The following SLC25A13 variants were observed in gnomAD, a reference collection of about 807,000 sequenced individuals.
SLC25A13 encodes electrogenic aspartate/glutamate antiporter SLC25A13, mitochondrial.
SLC25A13 carries 70 observed loss-of-function variants against 85.5 expected under a neutral mutation model. The ratio of observed to expected loss-of-function variants is 0.82; its 90% confidence interval spans 0.68 to 1.00. SLC25A13 has a LOEUF of 1.00. SLC25A13 is among the 50% of genes least tolerant of loss of function. SLC25A13 has a pLI of 0.00. For synonymous variants in SLC25A13, 259 were observed against 288.7 expected (o/e 0.90, Z 1.04); for missense variants, 765 against 819.8 (o/e 0.93, Z 0.82).
rs148206560 is a variant in SLC25A13 at position 96,183,777 on chromosome 7, G to C, written c.1177+500C>G. ...TCAGTGGGGGGAAACCTTGGCTAGA[G>C]GGGTGTGTGAATCAACTCCATTGGG... On this transcript the variant is annotated intron_variant, in intron 11 of 17. Coordinates refer to ENST00000265631, the MANE Select transcript of SLC25A13 (RefSeq NM_014251.3). Among the ~76,000 whole-genome samples, 1,204 of 152,280 alleles carry C rather than the reference G, an allele frequency of 7.9e-3. 15 individuals carry two copies. The highest frequency in any genetic ancestry group is 0.027 in the African/African-American group (1,116 of 41,554).
chr7:96,283,818 TTAAAAAAAAA>T (rs1460432825), intron 2 of SLC25A13: 8 of 86,966 alleles, frequency 9.2e-5, no homozygotes, highest in Non-Finnish European at 1.1e-4. Context: ...AAATAGGTGT[TTAAAAAAAAA>T]AAAAAAAAAA....
At chr7:96,255,570 C>A (rs1332832457) in intron 3 of SLC25A13, among the ~76,000 whole-genome samples, 1 of 152,010 alleles carries the variant, frequency 6.6e-6, no homozygotes, top group Non-Finnish European at 1.5e-5. Flanking sequence ...GCTTGTGGTC[C>A]CAGCAACTCC....
At chr7:96,139,295 A>C (rs1399987144) in intron 14 of SLC25A13, among the ~76,000 whole-genome samples, 1 of 152,224 alleles carries the variant, frequency 6.6e-6, no homozygotes, top group Non-Finnish European at 1.5e-5. Context: ...TGAATCATTC[A>C]TATCCCAAAT....
chr7:96,299,599 G>A lies in SLC25A13; in HGVS notation c.16-2648C>T, dbSNP rs75976977. ...GATCCCAAATATTCCATCTCTTACC[G>A]TAGTGGCCTTCCTACAGACCCACAT... On this transcript the variant is annotated intron_variant, in intron 1 of 17. Transcript: ENST00000265631. Among the ~76,000 whole-genome samples the A allele has an allele frequency of 1.8e-3, 270 of 152,250 alleles. 1 individual carries two copies. Among genetic ancestry groups the A allele is most frequent in the African/African-American group, 5.8e-3 (240 of 41,542 alleles).
intron 3 of SLC25A13, among the ~76,000 whole-genome samples, chr7:96,268,674 G>A (rs1445415635): frequency 6.6e-6 from 1 of 152,124 alleles, no homozygotes; most frequent in African/African-American, 2.4e-5. Flanking sequence ...GGCAAATCGT[G>A]CCAATCCCCT....
At chr7:96,131,978 G>C in intron 14 of SLC25A13, 97 bp from the exon 15 acceptor site, 1 of 1,521,968 alleles carries the variant, frequency 6.6e-7, no homozygotes, top group Non-Finnish European at 9.1e-7. Context: ...AATATTCCTG[G>C]AGAAGACCAA....
chr7:96,197,481 G>C (rs759507834), intron 5 of SLC25A13, among the ~76,000 whole-genome samples: 1 of 152,060 alleles, frequency 6.6e-6, no homozygotes, highest in East Asian at 1.9e-4. Flanking sequence ...TAAATCAGGA[G>C]GCCAGTGGGA....
intron 7 of SLC25A13, among the ~76,000 whole-genome samples, chr7:96,190,832 C>T (rs551749518): frequency 4.7e-4 from 72 of 152,186 alleles, no homozygotes; most frequent in African/African-American, 1.7e-3. Context: ...AGGCTGGTCT[C>T]GAACTCCTGA....
intron 2 of SLC25A13, among the ~76,000 whole-genome samples, chr7:96,282,149 G>A (rs1365168601): frequency 6.6e-6 from 1 of 152,086 alleles, no homozygotes; most frequent in African/African-American, 2.4e-5. Context: ...CCTGCAAAAT[G>A]GGAAGAGTTT....
chr7:96,243,649 G>A (rs1030638222), intron 3 of SLC25A13, among the ~76,000 whole-genome samples: 5 of 152,102 alleles, frequency 3.3e-5, no homozygotes, highest in Non-Finnish European at 7.4e-5. Flanking sequence ...TGCCTAAAGC[G>A]GTCAGGAAAA....
chr7:96,245,441 C>G (rs1797152594), intron 3 of SLC25A13, among the ~76,000 whole-genome samples: 1 of 152,144 alleles, frequency 6.6e-6, no homozygotes, highest in African/African-American at 2.4e-5. Flanking sequence ...CCACTACAAG[C>G]CTACAAGCTT....
intron 3 of SLC25A13, among the ~76,000 whole-genome samples, chr7:96,250,798 C>T (rs1162299991): frequency 6.9e-6 from 1 of 145,006 alleles, no homozygotes; most frequent in Non-Finnish European, 1.5e-5. Context: ...AAAATGACAG[C>T]AGAGATTTTA....
rs373632138 is a variant in SLC25A13, at chr7:96,121,715, C to T, written c.1781G>A (p.Gly594Asp). Reference sequence around the variant, plus strand: ...CAATTCGTAAGTCAGCAAAGTTACACCAAACTGGGGTGAGGATCGAAATAC... The same window carrying T: ...CAATTCGTAAGTCAGCAAAGTTACATCAAACTGGGGTGAGGATCGAAATAC... ...ARVFRSSPQF[G>D]VTLLTYELLQ... The change falls in exon 17 of 18, where the codon GGT becomes GAT. Residue 594 changes from glycine to aspartate, a missense_variant. Physicochemically the swap from Gly to Asp is moderately conservative, Grantham distance 94. Transcript: ENST00000265631. 19 of 1,613,908 alleles carry T rather than the reference C, an allele frequency of 1.2e-5. No homozygotes were observed. In the African/African-American group the frequency reaches 2.1e-4, roughly 18 times the overall value.
At chr7:96,239,040 TATATATA>T (rs1562869019) in intron 3 of SLC25A13, among the ~76,000 whole-genome samples, 6 of 3,648 alleles carry the variant, frequency 1.6e-3, no homozygotes, top group Non-Finnish European at 5.0e-3. Flanking sequence ...ATATATTTTA[TATATATA>T]TATATATATA....
At chr7:96,171,834 T>C (rs890204198) in intron 11 of SLC25A13, among the ~76,000 whole-genome samples, 2 of 152,186 alleles carry the variant, frequency 1.3e-5, no homozygotes, top group African/African-American at 4.8e-5. Flanking sequence ...TCTAAATCAG[T>C]GGACCACTTG....
chr7:96,188,324 T>C (rs746059510), intron 9 of SLC25A13, among the ~76,000 whole-genome samples: 17 of 152,176 alleles, frequency 1.1e-4, no homozygotes, highest in Non-Finnish European at 2.2e-4. Context: ...ACCCACTACT[T>C]TGACTTGCAT....
rs769610597 is a variant in SLC25A13 at position 96,121,302 on chromosome 7, G to A, written c.1917C>T (p.Gly639=). Residue 639 remains glycine, a synonymous_variant, in exon 18 of 18, where the codon GGC becomes GGT. Coordinates refer to ENST00000265631, the MANE Select transcript of SLC25A13 (RefSeq NM_014251.3). ...CAAATGTAGCAACTGCCAGTTTGTA[G>A]CCCCCAACGTGATCAGGATTCGGGG... ...LPAPNPDHVG[G]YKLAVATFAG... The A allele has an allele frequency of 1.2e-6, 2 of 1,614,120 alleles. No homozygotes were observed. Among genetic ancestry groups the A allele is most frequent in the Admixed American group, 3.3e-5 (2 of 60,016 alleles).
chr7:96,121,526 A>G (rs1791504579), intron 17 of SLC25A13, 129 bp downstream of exon 17: 1 of 1,380,740 alleles, frequency 7.2e-7, no homozygotes, highest in Non-Finnish European at 1.0e-6. Context: ...TGACCTTGTT[A>G]ACACAATTTC....
At chr7:96,289,803 T>C (rs1799043014) in intron 2 of SLC25A13, among the ~76,000 whole-genome samples, 2 of 152,168 alleles carry the variant, frequency 1.3e-5, no homozygotes, top group Middle Eastern at 3.4e-3. Flanking sequence ...CTGAAAGTGA[T>C]GGGGAGAATG....
Sources: allele counts gnomAD v4.1 joint callset (sites outside exome capture counted in the v4.1 genomes callset), GRCh38; gene constraint gnomAD v4.1.1; transcripts MANE v1.5; gene names NCBI Gene and HGNC (gene_info 2026-07-23, HGNC 2026-07-21).